Variants in SAMD4A observed in about 807,000 individuals in gnomAD.
SAMD4A encodes the protein sterile alpha motif domain containing 4A.
Under a neutral mutation model 81.3 loss-of-function variants are expected in SAMD4A, and 33 were observed. That is an observed-to-expected ratio of 0.41 (90% CI 0.31 to 0.54). The LOEUF (loss-of-function observed/expected upper bound fraction) is 0.54. SAMD4A is among the 20% of genes least tolerant of loss of function. The pLI, the probability that SAMD4A is intolerant of heterozygous loss-of-function variation, is 0.37. For missense variants in SAMD4A, 854 were observed against 951.1 expected, an observed-to-expected ratio of 0.90 and a Z score of 1.34; for synonymous variants, 389 against 382.1, an observed-to-expected ratio of 1.02 and a Z score of -0.21.
intron 3 of SAMD4A, 92 bp downstream of exon 3, chr14:54,702,672 CTG>C (rs762140159): frequency 3.0e-5 from 43 of 1,425,254 alleles, no homozygotes; most frequent in Admixed American, 5.4e-5. Flanking sequence ...TCCATGCACC[CTG>C]TGACCCTGGG....
intron 2 of SAMD4A, among the ~76,000 whole-genome samples, chr14:54,641,001 T>C (rs1272198512): frequency 1.3e-5 from 2 of 152,182 alleles, no homozygotes. Flanking sequence ...GCTTCACCTC[T>C]CTCCAATTCA....
At chr14:54,664,810 A>AGC (rs2035720915) in intron 2 of SAMD4A, among the ~76,000 whole-genome samples, 1 of 141,672 alleles carries the variant, frequency 7.1e-6, no homozygotes, top group Non-Finnish European at 1.6e-5. Flanking sequence ...ATGTGAATCC[A>AGC]ACACACACAC....
At chr14:54,575,626 CT>C (rs1382117713) in intron 2 of SAMD4A, among the ~76,000 whole-genome samples, 1 of 152,160 alleles carries the variant, frequency 6.6e-6, no homozygotes, top group Non-Finnish European at 1.5e-5. Context: ...TTTGAGGTCA[CT>C]TTGCCCTGGA....
chr14:54,663,026 C>T (rs752688617), intron 2 of SAMD4A, among the ~76,000 whole-genome samples: 2 of 152,228 alleles, frequency 1.3e-5, no homozygotes, highest in Non-Finnish European at 2.9e-5. Context: ...TAATTAATCA[C>T]ACTGGGGAAA....
At chr14:54,665,201 A>G (rs1464124374) in intron 2 of SAMD4A, among the ~76,000 whole-genome samples, 2 of 152,238 alleles carry the variant, frequency 1.3e-5, no homozygotes, top group South Asian at 4.1e-4. Flanking sequence ...CTTTAACAAT[A>G]AAAGCCATAT....
intron 2 of SAMD4A, among the ~76,000 whole-genome samples, chr14:54,577,719 A>G (rs1030815986): frequency 2.6e-5 from 4 of 152,204 alleles, no homozygotes; most frequent in Non-Finnish European, 4.4e-5. Context: ...TCCAGGAGGC[A>G]GTTCTGGGTA....
At chr14:54,655,467 C>T (rs2035498095) in intron 2 of SAMD4A, among the ~76,000 whole-genome samples, 1 of 152,164 alleles carries the variant, frequency 6.6e-6, no homozygotes, top group South Asian at 2.1e-4. Context: ...CGCAGTGGCT[C>T]ACGCCTGTAA....
At chr14:54,639,763 C>T (rs868091351) in intron 2 of SAMD4A, among the ~76,000 whole-genome samples, 1 of 133,914 alleles carries the variant, frequency 7.5e-6, no homozygotes, top group African/African-American at 2.7e-5. Flanking sequence ...TTGCCTACCT[C>T]GAGCAGATGT....
intron 2 of SAMD4A, among the ~76,000 whole-genome samples, chr14:54,576,630 T>C (rs2033305872): frequency 6.6e-6 from 1 of 152,210 alleles, no homozygotes; most frequent in Admixed American, 6.5e-5. Context: ...TCCTATCTGA[T>C]GGGGCAGTGG....
intron 2 of SAMD4A, among the ~76,000 whole-genome samples, chr14:54,636,832 T>G (rs1234163227): frequency 6.6e-6 from 1 of 152,090 alleles, no homozygotes; most frequent in Non-Finnish European, 1.5e-5. Context: ...AGCTCAGGAA[T>G]TTGGTTAAGA....
intron 11 of SAMD4A, among the ~76,000 whole-genome samples, chr14:54,777,670 G>A (rs2038892031): frequency 6.6e-6 from 1 of 152,008 alleles, no homozygotes; most frequent in Admixed American, 6.5e-5. Context: ...GCAGGATGAT[G>A]GGGTGGGGGG....
chr14:54,609,034 C>A (rs2034289901), intron 2 of SAMD4A, among the ~76,000 whole-genome samples: 1 of 152,212 alleles, frequency 6.6e-6, no homozygotes, highest in African/African-American at 2.4e-5. Flanking sequence ...TAACTAACAG[C>A]CTCTCAGAGA....
intron 8 of SAMD4A, among the ~76,000 whole-genome samples, chr14:54,767,787 A>G (rs2139898020): frequency 6.6e-6 from 1 of 152,270 alleles, no homozygotes; most frequent in Middle Eastern, 3.4e-3. Flanking sequence ...CCCATAACTG[A>G]GCACTCCCCT....
At chr14:54,585,729 A>G (rs758971357) in intron 2 of SAMD4A, among the ~76,000 whole-genome samples, 1 of 152,208 alleles carries the variant, frequency 6.6e-6, no homozygotes, top group East Asian at 1.9e-4. Context: ...ACGTAGAATA[A>G]TAGTCTCCAG....
At chr14:54,727,823 C>T (rs143254058) in intron 3 of SAMD4A, among the ~76,000 whole-genome samples, 29 of 152,212 alleles carry the variant, frequency 1.9e-4, no homozygotes, top group Non-Finnish European at 3.8e-4. Flanking sequence ...CGCACGCGCA[C>T]ACACACACAG....
rs929287641 is a variant in SAMD4A at position 54,653,889 on chromosome 14, G to C, written c.197-48173G>C. On this transcript the variant is annotated intron_variant, in intron 2 of 12. Transcript: ENST00000554335. ...CCTCTTACTGCCCTCTGTCTTAGCCGGGGAATCTTACAGATGTTGCATCTG... is the reference window on the plus strand; with the variant it reads ...CCTCTTACTGCCCTCTGTCTTAGCCCGGGAATCTTACAGATGTTGCATCTG... 4.6e-5 allele frequency among the ~76,000 whole-genome samples: 7 copies of C among 152,072 alleles called. No homozygotes were observed. In the South Asian group the frequency reaches 6.2e-4, roughly 14 times the overall value.
intron 2 of SAMD4A, chr14:54,681,977 T>C: frequency 2.0e-6 from 2 of 985,388 alleles, no homozygotes; most frequent in Non-Finnish European, 2.4e-6. Flanking sequence ...AAAATAATTA[T>C]GCTGTCATAA....
intron 2 of SAMD4A, among the ~76,000 whole-genome samples, chr14:54,578,086 T>C (rs1160451114): frequency 3.9e-5 from 6 of 152,226 alleles, no homozygotes; most frequent in African/African-American, 1.4e-4. Context: ...GCCAGTTGTT[T>C]GCATAACATG....
Position 54,625,986 on chromosome 14 carries a change from A to G in SAMD4A, c.196+57874A>G, listed in dbSNP as rs188416673. ...CGAGGCTTGGTGTTGACTGTGGGAC[A>G]TACTTACAGAATAGCAGCTCTACTG... is the stretch of plus-strand genomic sequence containing the variant. On this transcript the variant is annotated intron_variant, in intron 2 of 12. Transcript: ENST00000554335. 5.5e-4 allele frequency among the ~76,000 whole-genome samples: 84 copies of G among 151,700 alleles called. 1 individual carries two copies. The East Asian group carries it at 0.015, about 28-fold the overall frequency.
Sources: gnomAD v4.1 joint callset for allele counts (sites outside exome capture counted in the v4.1 genomes callset) on GRCh38, gnomAD v4.1.1 for gene constraint, MANE v1.5 for transcripts, NCBI Gene and HGNC (gene_info 2026-07-23, HGNC 2026-07-21) for gene names.